EPHA6: variants seen among roughly 807,000 people sequenced by gnomAD.
The protein encoded by EPHA6 is EPH receptor A6, also known as ephrin type-A receptor 6.
Under a neutral mutation model 112.0 loss-of-function variants are expected in EPHA6, and 50 were observed. The observed-to-expected ratio is 0.45, with a 90% CI of 0.36 to 0.56. The LOEUF is 0.56. Among genes scored for constraint, EPHA6 ranks in the 20% least tolerant of loss-of-function variants. EPHA6 has a pLI of 0.00. For missense variants in EPHA6, 1,280 were observed against 1,417.4 expected, an observed-to-expected ratio of 0.90 and a Z score of 1.56; for synonymous variants, 529 against 490.7, an observed-to-expected ratio of 1.08 and a Z score of -1.03.
intron 2 of EPHA6, among the ~76,000 whole-genome samples, chr3:96,959,533 T>C (rs2041884181): frequency 6.6e-6 from 1 of 152,134 alleles, no homozygotes; most frequent in African/African-American, 2.4e-5. Flanking sequence ...TTTATTATAG[T>C]GTTTTCCTTT....
chr3:97,481,551 C>T (rs907489809), intron 9 of EPHA6: 5 of 717,514 alleles, frequency 7.0e-6, no homozygotes, highest in Admixed American at 5.7e-5. Context: ...CTAGAGCCGC[C>T]GGGGCGCGGC....
chr3:97,186,869 A>G lies in EPHA6; in HGVS notation c.1115-39395A>G, dbSNP rs953083528. 4.6e-5 allele frequency among the ~76,000 whole-genome samples: 7 copies of G among 152,258 alleles called. No individual in the cohort carries two copies. In the South Asian group the frequency reaches 6.2e-4, roughly 14 times the overall value. On this transcript the variant is annotated intron_variant, in intron 3 of 17. Transcript: ENST00000389672. ...TCCCACTCTTTTCACCTGTAACTAC[A>G]AGCTGATTTGCCACATTACCAATTT...
intron 5 of EPHA6, among the ~76,000 whole-genome samples, chr3:97,260,477 A>C (rs1291177230): frequency 6.6e-6 from 1 of 152,252 alleles, no homozygotes; most frequent in Non-Finnish European, 1.5e-5. Context: ...GTCTAGTAGC[A>C]ATATTATATT....
intron 14 of EPHA6, among the ~76,000 whole-genome samples, chr3:97,643,316 G>A (rs1414534427): frequency 6.6e-5 from 10 of 152,014 alleles, no homozygotes; most frequent in South Asian, 2.1e-4. Flanking sequence ...AGGAACAACC[G>A]GTACCAGCCA....
intron 2 of EPHA6, among the ~76,000 whole-genome samples, chr3:96,938,750 A>T (rs1374080572): frequency 2.0e-5 from 3 of 151,828 alleles, no homozygotes; most frequent in Non-Finnish European, 4.4e-5. Flanking sequence ...TGGGTTTGTC[A>T]TAGATAGCTC....
intron 5 of EPHA6, among the ~76,000 whole-genome samples, chr3:97,286,891 T>C (rs1442811034): frequency 6.6e-6 from 1 of 152,142 alleles, no homozygotes; most frequent in Non-Finnish European, 1.5e-5. Context: ...TCTTTCCATT[T>C]GTTTGTATCT....
intron 1 of EPHA6, among the ~76,000 whole-genome samples, chr3:96,840,940 T>C (rs1249743445): frequency 6.6e-6 from 1 of 152,038 alleles, no homozygotes; most frequent in African/African-American, 2.4e-5. Flanking sequence ...ATGGTAGTAA[T>C]TAATATTGTT....
intron 3 of EPHA6, among the ~76,000 whole-genome samples, chr3:97,023,032 T>C (rs866313164): frequency 6.6e-6 from 1 of 152,296 alleles, no homozygotes; most frequent in Middle Eastern, 3.4e-3. Context: ...TGGTCATTGC[T>C]TTCATGCCGG....
At chr3:97,581,234 G>C (rs2093434885) in intron 11 of EPHA6, among the ~76,000 whole-genome samples, 1 of 152,240 alleles carries the variant, frequency 6.6e-6, no homozygotes, top group Admixed American at 6.5e-5. Flanking sequence ...CTGTCTGGGA[G>C]AGAAAGACTA....
intron 8 of EPHA6, among the ~76,000 whole-genome samples, 188 bp downstream of exon 8, chr3:97,475,648 C>T (rs1027402176): frequency 5.3e-5 from 8 of 151,934 alleles, no homozygotes; most frequent in East Asian, 1.9e-4. Flanking sequence ...TGGAAAGATC[C>T]GAAGATGACT....
intron 7 of EPHA6, among the ~76,000 whole-genome samples, chr3:97,464,780 T>C (rs2091003299): frequency 6.6e-6 from 1 of 152,176 alleles, no homozygotes; most frequent in African/African-American, 2.4e-5. Flanking sequence ...TGTGCTTTCC[T>C]GGATAAGCTA....
intron 3 of EPHA6, among the ~76,000 whole-genome samples, chr3:97,186,548 A>G (rs1365952863): frequency 1.3e-5 from 2 of 152,116 alleles, no homozygotes; most frequent in Non-Finnish European, 2.9e-5. Context: ...TGTCCAATGA[A>G]AAGGATTTAC....
intron 5 of EPHA6, among the ~76,000 whole-genome samples, chr3:97,267,680 T>C (rs746501797): frequency 4.6e-5 from 7 of 152,152 alleles, no homozygotes; most frequent in Admixed American, 1.3e-4. Flanking sequence ...GAAGATAAAG[T>C]GATTTAAGTG....
intron 5 of EPHA6, among the ~76,000 whole-genome samples, chr3:97,260,393 G>C (rs898522950): frequency 6.6e-6 from 1 of 152,182 alleles, no homozygotes; most frequent in Non-Finnish European, 1.5e-5. Flanking sequence ...ACCACAGTCA[G>C]ACTTTGATAA....
chr3:97,227,900 A>G (rs2078407413), intron 4 of EPHA6, among the ~76,000 whole-genome samples: 1 of 152,198 alleles, frequency 6.6e-6, no homozygotes, highest in South Asian at 2.1e-4. Context: ...CTTATCAGGA[A>G]GGAAGCTGGT....
At chr3:97,551,580 T>C (rs1194989585) in intron 11 of EPHA6, among the ~76,000 whole-genome samples, 5 of 152,170 alleles carry the variant, frequency 3.3e-5, no homozygotes, top group African/African-American at 9.6e-5. Context: ...ATAGGTTTAG[T>C]TTTTATTCTA....
chr3:96,957,326 A>G (rs985166960), intron 2 of EPHA6, among the ~76,000 whole-genome samples: 2 of 152,252 alleles, frequency 1.3e-5, no homozygotes, highest in Admixed American at 6.5e-5. Flanking sequence ...GGCTAAAGAT[A>G]TAACTATGGT....
At chr3:97,148,326 G>T (rs1443141472) in intron 3 of EPHA6, among the ~76,000 whole-genome samples, 2 of 151,960 alleles carry the variant, frequency 1.3e-5, no homozygotes, top group African/African-American at 2.4e-5. Flanking sequence ...ATTAAAAATT[G>T]GTTGGATGTG....
rs550930640 is a variant in EPHA6, at chr3:97,579,962, T to G, written c.2387-12650T>G. Among the ~76,000 whole-genome samples, 4 of 152,338 alleles carry G rather than the reference T, an allele frequency of 2.6e-5. No individual in the cohort carries two copies. In the South Asian group the frequency reaches 8.3e-4, roughly 32 times the overall value. Reference sequence around the variant, plus strand: ...TAGCAGTAAAATTGAATATAATACTTTGAAAGCGATAAGTTTTTATTTTTC... The same window carrying G: ...TAGCAGTAAAATTGAATATAATACTGTGAAAGCGATAAGTTTTTATTTTTC... On this transcript the variant is annotated intron_variant, in intron 11 of 17. Coordinates refer to ENST00000389672, the MANE Select transcript of EPHA6 (RefSeq NM_001080448.3).
Sources: gnomAD v4.1 joint callset for allele counts (sites outside exome capture counted in the v4.1 genomes callset) on GRCh38, gnomAD v4.1.1 for gene constraint, MANE v1.5 for transcripts, NCBI Gene and HGNC (gene_info 2026-07-23, HGNC 2026-07-21) for gene names.